Variants in C1QTNF1 observed in about 807,000 individuals in gnomAD.
C1QTNF1 encodes C1q and TNF related 1.
Under a neutral mutation model 27.8 loss-of-function variants are expected in C1QTNF1, and 22 were observed. The observed-to-expected ratio is 0.79, with a 90% CI of 0.56 to 1.13. C1QTNF1 has a LOEUF of 1.13. Ranked by LOEUF, C1QTNF1 falls within the 50% of genes most tolerant of loss-of-function variation. The pLI, the probability that C1QTNF1 is intolerant of heterozygous loss-of-function variation, is 0.00. For missense variants in C1QTNF1, 373 were observed against 380.2 expected (o/e 0.98, Z 0.16); for synonymous variants, 166 against 154.3 (o/e 1.08, Z -0.56).
intron 2 of C1QTNF1, among the ~76,000 whole-genome samples, chr17:79,045,039 CAT>C (rs138661317): frequency 0.065 from 9,912 of 152,164 alleles, 1,076 homozygotes; most frequent in African/African-American, 0.22. Flanking sequence ...GAGATAGACA[CAT>C]GAGAGACAGG....
chr17:79,031,737 C>T (rs2145895814), intron 1 of C1QTNF1, among the ~76,000 whole-genome samples: 1 of 152,360 alleles, frequency 6.6e-6, no homozygotes, highest in East Asian at 1.9e-4. Flanking sequence ...AGCCACTGCA[C>T]CCAGCCATGT....
In C1QTNF1 at chr17:79,046,273, T is replaced by C. The variant is rs1290544312; in HGVS notation, c.156-282T>C. Among the ~76,000 whole-genome samples, 4 of 152,174 alleles carry C rather than the reference T, an allele frequency of 2.6e-5. No homozygotes were observed. The highest frequency in any genetic ancestry group is 5.9e-5 in the Non-Finnish European group (4 of 68,028). Reference sequence around the variant, plus strand: ...TCACCCAAAGACCCTCTCTTAGAAGTGTGGATTTCTCCCGAGCAGCCCCCA... The same window carrying C: ...TCACCCAAAGACCCTCTCTTAGAAGCGTGGATTTCTCCCGAGCAGCCCCCA... On this transcript the variant is annotated intron_variant, in intron 2 of 3. Coordinates refer to ENST00000579760, the MANE Select transcript of C1QTNF1 (RefSeq NM_030968.5). The surrounding 1 kb of genome is among the most constrained non-coding windows in gnomAD (Gnocchi z 4.8).
chr17:79,039,110 G>A (rs1454930231), intron 1 of C1QTNF1, among the ~76,000 whole-genome samples: 2 of 152,214 alleles, frequency 1.3e-5, no homozygotes, highest in African/African-American at 4.8e-5. Context: ...CCAAGGTGTG[G>A]AAAATCCCTT....
chr17:79,031,983 G>T (rs1281932265), intron 1 of C1QTNF1, among the ~76,000 whole-genome samples: 5 of 152,226 alleles, frequency 3.3e-5, no homozygotes, highest in Non-Finnish European at 7.4e-5. Context: ...TGTGGCTGAG[G>T]CATGTCATCT....
chr17:79,025,344 G>A (rs2071914875), intron 1 of C1QTNF1, among the ~76,000 whole-genome samples: 1 of 152,126 alleles, frequency 6.6e-6, no homozygotes, highest in African/African-American at 2.4e-5. Flanking sequence ...GACCCTCCGC[G>A]TGCTTCAGGC....
chr17:79,044,367 G>C (rs2072511092), intron 2 of C1QTNF1, among the ~76,000 whole-genome samples: 1 of 152,192 alleles, frequency 6.6e-6, no homozygotes, highest in Middle Eastern at 3.2e-3. Context: ...TAAAGGAGTG[G>C]GGTCTGCAAG....
chr17:79,044,163 CT>C, intron 2 of C1QTNF1, 40 bp downstream of exon 2: 1 of 1,538,734 alleles, frequency 6.5e-7, no homozygotes, highest in Middle Eastern at 2.3e-4. Flanking sequence ...AGCTCTGGCT[CT>C]GGCCAGGCTG....
At chr17:79,039,464 C>A (rs1340527022) in intron 1 of C1QTNF1, among the ~76,000 whole-genome samples, 1 of 152,068 alleles carries the variant, frequency 6.6e-6, no homozygotes, top group Non-Finnish European at 1.5e-5. Flanking sequence ...ACCAGCCTGG[C>A]CAACATGGCG....
chr17:79,044,712 C>T (rs62063358), intron 2 of C1QTNF1, among the ~76,000 whole-genome samples: 7,485 of 152,276 alleles, frequency 0.049, 259 homozygotes, highest in Non-Finnish European at 0.08. Flanking sequence ...GGGACATTTC[C>T]TAGGGAAGCC....
intron 2 of C1QTNF1, among the ~76,000 whole-genome samples, chr17:79,045,427 G>A (rs933724695): frequency 2.0e-5 from 3 of 152,180 alleles, no homozygotes; most frequent in South Asian, 4.1e-4. Flanking sequence ...CGGTGTTCTC[G>A]GAAGAATGCC....
intron 1 of C1QTNF1, among the ~76,000 whole-genome samples, chr17:79,042,203 G>T (rs929153318): frequency 2.0e-5 from 3 of 152,228 alleles, no homozygotes; most frequent in African/African-American, 4.8e-5. Flanking sequence ...TGTGCCCCTC[G>T]GTGGGGAGGT....
intron 1 of C1QTNF1, among the ~76,000 whole-genome samples, chr17:79,040,673 C>A (rs2072379993): frequency 7.1e-6 from 1 of 141,480 alleles, no homozygotes; most frequent in African/African-American, 2.7e-5. Flanking sequence ...GTGGGCAGAT[C>A]ACTTGAGCCC....
rs983689828 is a variant in C1QTNF1 at position 79,034,851 on chromosome 17, C to G, written c.-14-9104C>G. ...AGAGAGGAGATAGGCTCCAGGACCC[C>G]AGCATCTCTCAGGAAAAGGGGCTGC... On this transcript the variant is annotated intron_variant, in intron 1 of 3. Coordinates refer to ENST00000579760, the MANE Select transcript of C1QTNF1 (RefSeq NM_030968.5). Among the ~76,000 whole-genome samples the G allele has an allele frequency of 3.3e-5, 5 of 152,140 alleles. 1 individual carries two copies. Among genetic ancestry groups the G allele is most frequent in the Non-Finnish European group, 4.4e-5 (3 of 68,036 alleles).
At chr17:79,042,072 G>A (rs552790605) in intron 1 of C1QTNF1, among the ~76,000 whole-genome samples, 32 of 152,350 alleles carry the variant, frequency 2.1e-4, no homozygotes, top group Admixed American at 1.9e-3. Context: ...AGTGAGGGAC[G>A]CTTCTCACCC....
chr17:79,047,028 C>T (rs1050490475), intron 3 of C1QTNF1: 1 of 320,790 alleles, frequency 3.1e-6, no homozygotes, highest in Non-Finnish European at 5.7e-6. Context: ...CCCCAGCCTG[C>T]TTTCTGAAAT....
intron 1 of C1QTNF1, among the ~76,000 whole-genome samples, chr17:79,028,717 A>G (rs2072042807): frequency 6.6e-6 from 1 of 152,206 alleles, no homozygotes; most frequent in Non-Finnish European, 1.5e-5. Flanking sequence ...TGTGCCCATT[A>G]GAGGGCACTG....
intron 2 of C1QTNF1, among the ~76,000 whole-genome samples, chr17:79,045,882 C>T (rs182957006): frequency 7.2e-5 from 11 of 152,222 alleles, no homozygotes; most frequent in East Asian, 1.9e-4. Context: ...CACAGAGATC[C>T]GTTTCCTGGA....
chr17:79,045,314 T>C (rs4789917), intron 2 of C1QTNF1, among the ~76,000 whole-genome samples: 33,859 of 151,886 alleles, frequency 0.22, 4,706 homozygotes, highest in East Asian at 0.69. Flanking sequence ...TGGAGGACAG[T>C]AGGGCAGTTG....
At chr17:79,043,750 T>G (rs138539471) in intron 1 of C1QTNF1, 2 of 677,682 alleles carry the variant, frequency 3.0e-6, no homozygotes, top group Non-Finnish European at 5.4e-6. Flanking sequence ...TGCACGTGAG[T>G]GCGTCGTGAG....
Sources: gnomAD v4.1 joint callset for allele counts (sites outside exome capture counted in the v4.1 genomes callset) on GRCh38, gnomAD v4.1.1 for gene constraint, Gnocchi (gnomAD v3.1) non-coding constraint, MANE v1.5 for transcripts, NCBI Gene and HGNC (gene_info 2026-07-23, HGNC 2026-07-21) for gene names.